The following C1QTNF3 variants were observed in gnomAD, a reference collection of about 807,000 sequenced individuals.
The protein encoded by C1QTNF3 is C1q and TNF related 3, also known as complement C1q tumor necrosis factor-related protein 3.
A neutral mutation model predicts 32.6 loss-of-function variants in C1QTNF3; 26 were observed. The ratio of observed to expected loss-of-function variants is 0.80; its 90% CI spans 0.58 to 1.11. The LOEUF (loss-of-function observed/expected upper bound fraction) is 1.11. Among genes scored for constraint, C1QTNF3 ranks in the 50% least tolerant of loss-of-function variants. The pLI is 0.00. For missense variants in C1QTNF3, 362 were observed against 398.2 expected (o/e 0.91, Z 0.77); for synonymous variants, 155 against 146.0 (o/e 1.06, Z -0.44).
the C1QTNF3 span, among the ~76,000 whole-genome samples, chr5:34,241,327 G>A: frequency 2.0e-5 from 3 of 151,720 alleles, no homozygotes; most frequent in East Asian, 1.9e-4. Flanking sequence ...ACCCAAATAG[G>A]AAGTAAAGAT....
chr5:34,124,528 C>A, the C1QTNF3 span: 46 of 695,820 alleles, frequency 6.6e-5, 1 homozygote, highest in Middle Eastern at 4.9e-4. Context: ...GCACTACTCA[C>A]CTGTAAACAA....
At chr5:34,140,232 T>G in the C1QTNF3 span, among the ~76,000 whole-genome samples, 8 of 152,328 alleles carry the variant, frequency 5.3e-5, no homozygotes, top group East Asian at 1.5e-3. Context: ...TATTCTAGGA[T>G]TGGCAGACTG....
At chr5:34,029,486 C>A (rs1420117128) in intron 3 of C1QTNF3, among the ~76,000 whole-genome samples, 1 of 152,064 alleles carries the variant, frequency 6.6e-6, no homozygotes, top group Non-Finnish European at 1.5e-5. Flanking sequence ...TTTGAGAATT[C>A]TTGATGCTGA....
chr5:34,164,420 T>C, the C1QTNF3 span, among the ~76,000 whole-genome samples: 1 of 151,854 alleles, frequency 6.6e-6, no homozygotes, highest in African/African-American at 2.4e-5. Flanking sequence ...TCAAAAGGAA[T>C]AGTGACTCAG....
the C1QTNF3 span, among the ~76,000 whole-genome samples, chr5:34,100,871 C>T: frequency 6.6e-6 from 1 of 151,520 alleles, no homozygotes; most frequent in East Asian, 1.9e-4. Context: ...AAATAGTATT[C>T]ATTTTGAGCC....
chr5:34,160,741 A>T, the C1QTNF3 span, among the ~76,000 whole-genome samples: 1 of 152,188 alleles, frequency 6.6e-6, no homozygotes, highest in African/African-American at 2.4e-5. Context: ...TGCTAAAAGC[A>T]CTGTGAAGGT....
the C1QTNF3 span, among the ~76,000 whole-genome samples, chr5:34,243,026 T>C: frequency 8.1e-5 from 12 of 148,426 alleles, no homozygotes; most frequent in East Asian, 2.0e-3. Context: ...TAATGCATGC[T>C]AGGCTTAATA....
At chr5:34,154,040 A>AGG in the C1QTNF3 span, among the ~76,000 whole-genome samples, 3 of 151,370 alleles carry the variant, frequency 2.0e-5, no homozygotes, top group African/African-American at 7.2e-5. Flanking sequence ...AATAAAAAAA[A>AGG]AAAATGTCAT....
chr5:34,140,412 T>C, the C1QTNF3 span, among the ~76,000 whole-genome samples: 1 of 152,192 alleles, frequency 6.6e-6, no homozygotes, highest in African/African-American at 2.4e-5. Flanking sequence ...CAGGATGACA[T>C]AAATTTTGTT....
chr5:34,127,512 G>C, the C1QTNF3 span, among the ~76,000 whole-genome samples: 1 of 151,986 alleles, frequency 6.6e-6, no homozygotes, highest in Admixed American at 6.6e-5. Context: ...AGAGAGAGAA[G>C]TTAGGGCATC....
intron 4 of C1QTNF3, among the ~76,000 whole-genome samples, chr5:34,027,736 A>ACC (rs70964431): frequency 0.03 from 62 of 2,084 alleles, 1 homozygote; most frequent in African/African-American, 0.062. Flanking sequence ...CACCACCACC[A>ACC]AAAAAAAAAA....
At chr5:34,092,400 T>C in the C1QTNF3 span, among the ~76,000 whole-genome samples, 1 of 151,898 alleles carries the variant, frequency 6.6e-6, no homozygotes, top group African/African-American at 2.4e-5. Context: ...ATTTAATTTA[T>C]AACATATTTA....
At chr5:34,051,467 A>C in the C1QTNF3 span, among the ~76,000 whole-genome samples, 1 of 152,260 alleles carries the variant, frequency 6.6e-6, no homozygotes, top group Non-Finnish European at 1.5e-5. Flanking sequence ...CACACATAGT[A>C]AATACTCCAT....
chr5:34,153,660 A>G, the C1QTNF3 span, among the ~76,000 whole-genome samples: 1 of 84,550 alleles, frequency 1.2e-5, no homozygotes, highest in Non-Finnish European at 2.3e-5. Flanking sequence ...GAACAATGAG[A>G]TCACATGGAC....
At chr5:34,038,169 G>A (rs770062193) in intron 1 of C1QTNF3, among the ~76,000 whole-genome samples, 2 of 152,208 alleles carry the variant, frequency 1.3e-5, no homozygotes, top group Non-Finnish European at 2.9e-5. Flanking sequence ...AGGATTGGAT[G>A]AGGTGGTGTT....
the C1QTNF3 span, among the ~76,000 whole-genome samples, chr5:34,122,198 C>T: frequency 6.8e-4 from 104 of 152,182 alleles, 1 homozygote; most frequent in East Asian, 1.4e-3. Flanking sequence ...TTTCAAAGTG[C>T]ATGGTAGAAA....
chr5:34,041,657 A>G (rs560541613), intron 1 of C1QTNF3, among the ~76,000 whole-genome samples: 1 of 152,312 alleles, frequency 6.6e-6, no homozygotes, highest in East Asian at 1.9e-4. Flanking sequence ...AGATAGGATC[A>G]TATTTAGAGA....
chr5:34,179,749 T>C, the C1QTNF3 span, among the ~76,000 whole-genome samples: 13 of 152,072 alleles, frequency 8.5e-5, no homozygotes, highest in African/African-American at 3.1e-4. Flanking sequence ...CTTCCTGAAA[T>C]AGCCCTTGAA....
chr5:34,030,149 G>A (rs1443205889), intron 3 of C1QTNF3, among the ~76,000 whole-genome samples: 1 of 152,138 alleles, frequency 6.6e-6, no homozygotes, highest in Non-Finnish European at 1.5e-5. Flanking sequence ...GCATGATTTT[G>A]GATGAAAAAA....
Sources: allele counts gnomAD v4.1 joint callset (sites outside exome capture counted in the v4.1 genomes callset), GRCh38; gene constraint gnomAD v4.1.1; transcripts MANE v1.5; gene names NCBI Gene and HGNC (gene_info 2026-07-23, HGNC 2026-07-21).